Variants in MTREX observed in about 807,000 individuals in gnomAD.
MTREX encodes the protein exosome RNA helicase MTR4.
A neutral mutation model predicts 135.4 loss-of-function variants in MTREX; 76 were observed. That is an observed-to-expected ratio of 0.56 (90% CI 0.47 to 0.68). MTREX has a LOEUF of 0.68. Ranked by LOEUF, MTREX falls within the 30% of genes least tolerant of loss-of-function variation. MTREX has a pLI of 0.00. For synonymous variants in MTREX, 404 were observed against 401.6 expected (o/e 1.01, Z -0.07); for missense variants, 920 against 1,262.1 (o/e 0.73, Z 4.11).
At chr5:55,419,311 TAA>T (rs1289267701) in intron 25 of MTREX, among the ~76,000 whole-genome samples, 2 of 152,202 alleles carry the variant, frequency 1.3e-5, no homozygotes, top group East Asian at 1.9e-4. Flanking sequence ...CATATGAAAA[TAA>T]AAGTGTCTGG....
chr5:55,313,058 A>G (rs920642441), intron 1 of MTREX, among the ~76,000 whole-genome samples: 1 of 152,134 alleles, frequency 6.6e-6, no homozygotes, highest in Non-Finnish European at 1.5e-5. Context: ...ATTCATACTG[A>G]CATTTCCAGT....
chr5:55,335,477 A>T (rs1749539884), intron 5 of MTREX, among the ~76,000 whole-genome samples: 1 of 151,968 alleles, frequency 6.6e-6, no homozygotes, highest in Non-Finnish European at 1.5e-5. Flanking sequence ...TTCTCAAGTT[A>T]GTTTTTCTGT....
chr5:55,360,898 T>C (rs141941734), intron 15 of MTREX, among the ~76,000 whole-genome samples: 1 of 152,354 alleles, frequency 6.6e-6, no homozygotes, highest in African/African-American at 2.4e-5. Context: ...AATAATTATG[T>C]TATTATCTCC....
Position 55,322,379 on chromosome 5 carries a change from AAGAG to A in MTREX, c.191_194del (p.Arg64MetfsTer2). ...AGAATCAACTAATAATGGAAAAAAT[AAGAG>A]AGATGTAGATTTCGAAGGTACAGAT... On this transcript the variant is annotated frameshift_variant, in exon 2 of 27. Transcript: ENST00000230640. LOFTEE classifies it high-confidence loss of function. 1 of 1,607,528 alleles carries A rather than the reference AAGAG, an allele frequency of 6.2e-7. No homozygotes were observed. Among genetic ancestry groups the A allele is most frequent in the Non-Finnish European group, 8.5e-7 (1 of 1,175,062 alleles).
At position 55,397,499 on chromosome 5, in the gene MTREX, T is replaced by C. The variant is rs954330775; in HGVS notation, c.2265T>C (p.Asn755=). Residue 755 remains asparagine, a synonymous_variant, in exon 20 of 27, where the codon AAT becomes AAC. Coordinates refer to ENST00000230640, the MANE Select transcript of MTREX (RefSeq NM_015360.5). ...YIPKDLRPVD[N]RQSVLKSIQE... is the part of the protein sequence containing the mutation. Reference sequence around the variant, plus strand: ...CTAAAGACCTTCGGCCGGTGGACAATAGACAGAGTGTTTTAAAATCAATAC... The same window carrying C: ...CTAAAGACCTTCGGCCGGTGGACAACAGACAGAGTGTTTTAAAATCAATAC... The C allele has an allele frequency of 1.9e-6, 3 of 1,607,762 alleles. No homozygotes were observed. The African/African-American group carries it at 4.0e-5, about 21-fold the overall frequency.
intron 14 of MTREX, among the ~76,000 whole-genome samples, chr5:55,353,626 C>T (rs991246177): frequency 6.6e-6 from 1 of 152,048 alleles, no homozygotes; most frequent in Non-Finnish European, 1.5e-5. Context: ...TCACTTGAGC[C>T]CAGGAGGTCA....
chr5:55,412,066 T>C (rs1001327380), intron 23 of MTREX, among the ~76,000 whole-genome samples: 2 of 152,206 alleles, frequency 1.3e-5, no homozygotes, highest in African/African-American at 4.8e-5. Context: ...GGGCAAGATG[T>C]CAATATATAC....
intron 5 of MTREX, among the ~76,000 whole-genome samples, chr5:55,331,774 A>G (rs1749478887): frequency 6.6e-6 from 1 of 152,154 alleles, no homozygotes; most frequent in African/African-American, 2.4e-5. Context: ...TTGGTTGCCC[A>G]TCTTAGAACT....
chr5:55,404,733 A>G (rs969963879), intron 21 of MTREX, among the ~76,000 whole-genome samples: 4 of 146,078 alleles, frequency 2.7e-5, no homozygotes, highest in East Asian at 4.0e-4. Context: ...TATCCAGCTC[A>G]CTCTCCTCCT....
At chr5:55,398,897 C>T (rs564151352) in intron 20 of MTREX, among the ~76,000 whole-genome samples, 4 of 152,212 alleles carry the variant, frequency 2.6e-5, no homozygotes, top group South Asian at 2.1e-4. Context: ...TCTTCATAGT[C>T]GTTTACATCA....
At chr5:55,377,388 C>A (rs1750323223) in intron 16 of MTREX, among the ~76,000 whole-genome samples, 1 of 152,040 alleles carries the variant, frequency 6.6e-6, no homozygotes, top group Non-Finnish European at 1.5e-5. Context: ...TTTAAAAATC[C>A]AATATTAGTT....
chr5:55,423,239 A>G (rs116695341), intron 26 of MTREX: 100 of 401,300 alleles, frequency 2.5e-4, no homozygotes, highest in African/African-American at 1.9e-3. Context: ...GATATAGTGA[A>G]CAAAAAGACA....
chr5:55,411,053 G>GA (rs1191316651), intron 23 of MTREX, among the ~76,000 whole-genome samples: 1 of 152,180 alleles, frequency 6.6e-6, no homozygotes, highest in Non-Finnish European at 1.5e-5. Flanking sequence ...GCTAGGAACT[G>GA]AAACATTAGT....
intron 1 of MTREX, among the ~76,000 whole-genome samples, chr5:55,311,292 A>G (rs1047380291): frequency 3.6e-4 from 55 of 152,294 alleles, no homozygotes; most frequent in African/African-American, 1.3e-3. Flanking sequence ...AAAACTAACA[A>G]TAATTCCTTA....
chr5:55,365,052 G>A (rs1750078690), intron 15 of MTREX, among the ~76,000 whole-genome samples: 1 of 152,194 alleles, frequency 6.6e-6, no homozygotes, highest in African/African-American at 2.4e-5. Context: ...ATGTCAAAAA[G>A]CCATGTTGAG....
chr5:55,309,977 A>G (rs975537343), intron 1 of MTREX, among the ~76,000 whole-genome samples: 1 of 152,228 alleles, frequency 6.6e-6, no homozygotes, highest in African/African-American at 2.4e-5. Context: ...AGGAGGACCA[A>G]TTATTTTTAT....
At chr5:55,379,094 G>C in intron 17 of MTREX, 33 bp from the exon 18 acceptor site, 1 of 1,502,124 alleles carries the variant, frequency 6.7e-7, no homozygotes, top group Non-Finnish European at 9.2e-7. Context: ...ATATACATTT[G>C]ATTCTTGCTT....
intron 25 of MTREX, among the ~76,000 whole-genome samples, chr5:55,416,338 A>G (rs1204038218): frequency 6.6e-6 from 1 of 152,086 alleles, no homozygotes; most frequent in African/African-American, 2.4e-5. Context: ...AGTCCTTTAG[A>G]AACTATTTTA....
chr5:55,344,844 A>G (rs1014611951), intron 9 of MTREX, among the ~76,000 whole-genome samples: 2 of 152,200 alleles, frequency 1.3e-5, no homozygotes, highest in South Asian at 4.1e-4. Flanking sequence ...CTCCTTTCCC[A>G]GTATTTAAAA....
Sources: gnomAD v4.1 joint callset for allele counts (sites outside exome capture counted in the v4.1 genomes callset) on GRCh38, gnomAD v4.1.1 for gene constraint, MANE v1.5 for transcripts, NCBI Gene and HGNC (gene_info 2026-07-23, HGNC 2026-07-21) for gene names.